GPHN: variants seen among roughly 807,000 people sequenced by gnomAD.
GPHN encodes gephyrin.
A neutral mutation model predicts 95.5 loss-of-function variants in GPHN; 17 were observed. The ratio of observed to expected loss-of-function variants is 0.18; its 90% CI spans 0.12 to 0.27. GPHN has a LOEUF of 0.27. Among genes scored for constraint, GPHN ranks in the 10% least tolerant of loss-of-function variants. The probability of loss-of-function intolerance (pLI) is 1.00; values close to 1 mark genes in which losing one functional copy is unlikely to be tolerated. For missense variants in GPHN, 660 were observed against 978.1 expected (o/e 0.67, Z 4.34); for synonymous variants, 320 against 322.5 (o/e 0.99, Z 0.08).
intron 8 of GPHN, among the ~76,000 whole-genome samples, chr14:66,954,090 T>C (rs2068319441): frequency 6.6e-6 from 1 of 151,974 alleles, no homozygotes; most frequent in Non-Finnish European, 1.5e-5. Context: ...TAACTTTCTT[T>C]GTCTTTTTCA....
chr14:66,510,418 T>C (rs1218002963), intron 1 of GPHN, among the ~76,000 whole-genome samples: 1 of 152,230 alleles, frequency 6.6e-6, no homozygotes, highest in Non-Finnish European at 1.5e-5. Flanking sequence ...CGAATCAACT[T>C]ACCTTTGTGA....
the GPHN span, chr14:67,727,049 G>A: frequency 9.9e-6 from 16 of 1,613,874 alleles, no homozygotes; most frequent in African/African-American, 8.0e-5. Flanking sequence ...GGTGGTTAAT[G>A]TGTCCTCGGT....
chr14:66,704,300 C>G (rs2068854716), intron 2 of GPHN, among the ~76,000 whole-genome samples: 1 of 151,978 alleles, frequency 6.6e-6, no homozygotes, highest in African/African-American at 2.4e-5. Context: ...GAACTCATAT[C>G]TGGATCAAAT....
At chr14:67,578,267 G>A in the GPHN span, 1 of 1,432,054 alleles carries the variant, frequency 7.0e-7, no homozygotes, top group Non-Finnish European at 9.7e-7. The surrounding 1 kb of genome is among the most constrained non-coding windows in gnomAD (Gnocchi z 5.0). Context: ...GGAAAGGTGG[G>A]AGGAGGTGAC....
At chr14:67,711,936 T>C in the GPHN span, among the ~76,000 whole-genome samples, 2 of 152,192 alleles carry the variant, frequency 1.3e-5, no homozygotes, top group African/African-American at 4.8e-5. Flanking sequence ...TCTTTTTTTT[T>C]GAGACGGAGT....
chr14:66,935,858 A>G (rs1213492742), intron 8 of GPHN, among the ~76,000 whole-genome samples: 3 of 152,074 alleles, frequency 2.0e-5, no homozygotes, highest in South Asian at 4.1e-4. Flanking sequence ...TAAGCATTTT[A>G]TATATATCAG....
At chr14:66,522,250 A>T (rs967345475) in intron 1 of GPHN, among the ~76,000 whole-genome samples, 2 of 152,160 alleles carry the variant, frequency 1.3e-5, no homozygotes, top group East Asian at 1.9e-4. Context: ...CCATTTTTTA[A>T]AGAGCCCTTT....
At chr14:66,856,893 AT>A (rs2062826550) in intron 4 of GPHN, among the ~76,000 whole-genome samples, 3 of 152,166 alleles carry the variant, frequency 2.0e-5, no homozygotes, top group African/African-American at 7.2e-5. Flanking sequence ...CCAAAAAGAC[AT>A]AAAATTCAGT....
the GPHN span, among the ~76,000 whole-genome samples, chr14:67,717,558 G>T: frequency 2.0e-5 from 3 of 152,300 alleles, no homozygotes; most frequent in East Asian, 5.8e-4. Context: ...ATACACCAGG[G>T]TTATCCTTTA....
At chr14:67,251,922 A>G in the GPHN span, among the ~76,000 whole-genome samples, 2 of 152,218 alleles carry the variant, frequency 1.3e-5, no homozygotes, top group Non-Finnish European at 1.5e-5. Context: ...CCAGTCACCA[A>G]TGGCCAGTAA....
chr14:67,411,902 G>T, the GPHN span: 2 of 951,682 alleles, frequency 2.1e-6, no homozygotes, highest in Non-Finnish European at 3.0e-6. Context: ...CACCATGGGG[G>T]TTGGGGATGG....
At chr14:67,238,462 G>A in the GPHN span, among the ~76,000 whole-genome samples, 6 of 151,678 alleles carry the variant, frequency 4.0e-5, no homozygotes, top group Non-Finnish European at 8.8e-5. Flanking sequence ...TAGAGACGGG[G>A]TCTCCCCATG....
At chr14:66,706,053 C>G (rs1371837243) in intron 2 of GPHN, among the ~76,000 whole-genome samples, 5 of 152,070 alleles carry the variant, frequency 3.3e-5, no homozygotes, top group Non-Finnish European at 7.4e-5. Context: ...TGAATAAACT[C>G]CCATTCATAA....
intron 11 of GPHN, among the ~76,000 whole-genome samples, chr14:67,068,746 A>G (rs1000389783): frequency 6.6e-6 from 1 of 152,180 alleles, no homozygotes; most frequent in Admixed American, 6.5e-5. Context: ...AGTCAAGGAA[A>G]CTTTAAGTTT....
the GPHN span, among the ~76,000 whole-genome samples, chr14:67,491,582 G>C: frequency 6.6e-6 from 1 of 152,098 alleles, no homozygotes; most frequent in Admixed American, 6.5e-5. Flanking sequence ...ACAGGGACCC[G>C]GGACAAAGAC....
At chr14:66,694,695 A>G (rs1269304806) in intron 2 of GPHN, among the ~76,000 whole-genome samples, 1 of 152,226 alleles carries the variant, frequency 6.6e-6, no homozygotes, top group Non-Finnish European at 1.5e-5. Flanking sequence ...CATCCACAAA[A>G]GAAAATATTG....
intron 1 of GPHN, among the ~76,000 whole-genome samples, chr14:66,605,171 T>C (rs1314304849): frequency 2.6e-5 from 4 of 152,132 alleles, no homozygotes; most frequent in Non-Finnish European, 5.9e-5. Context: ...TATCGGTGCA[T>C]ATGTCTTTTT....
intron 2 of GPHN, among the ~76,000 whole-genome samples, chr14:66,756,989 C>A (rs1476974252): frequency 6.6e-6 from 1 of 152,030 alleles, no homozygotes; most frequent in Non-Finnish European, 1.5e-5. Flanking sequence ...TTACATATGC[C>A]ACAGATACTT....
chr14:67,664,422 T>C, the GPHN span, among the ~76,000 whole-genome samples: 6 of 152,202 alleles, frequency 3.9e-5, no homozygotes, highest in Non-Finnish European at 8.8e-5. Context: ...TATGGGGATA[T>C]GGCCTTTTAA....
Sources: gnomAD v4.1 joint callset for allele counts (sites outside exome capture counted in the v4.1 genomes callset) on GRCh38, gnomAD v4.1.1 for gene constraint, Gnocchi (gnomAD v3.1) non-coding constraint, MANE v1.5 for transcripts, NCBI Gene and HGNC (gene_info 2026-07-23, HGNC 2026-07-21) for gene names.